CSMD1: variants seen among roughly 807,000 people sequenced by gnomAD.
The protein encoded by CSMD1 is CUB and sushi domain-containing protein 1.
CSMD1 carries 213 observed loss-of-function variants against 417.5 expected under a neutral mutation model. That is an observed-to-expected ratio of 0.51 (90% CI 0.46 to 0.57). The LOEUF (loss-of-function observed/expected upper bound fraction) is 0.57. Ranked by LOEUF, CSMD1 falls within the 20% of genes least tolerant of loss-of-function variation. The pLI, the probability that CSMD1 is intolerant of heterozygous loss-of-function variation, is 0.00. For missense variants in CSMD1, 6,923 were observed against 4,529.7 expected, an observed-to-expected ratio of 1.53 and a Z score of -15.17; for synonymous variants, 2,862 against 1,736.8, an observed-to-expected ratio of 1.65 and a Z score of -16.11.
At chr8:3,316,390 C>A (rs1167887463) in intron 23 of CSMD1, among the ~76,000 whole-genome samples, 1 of 152,190 alleles carries the variant, frequency 6.6e-6, no homozygotes, top group Non-Finnish European at 1.5e-5. Context: ...AATAAAACGG[C>A]TCCTATCTTC....
At chr8:3,826,139 C>T (rs903849216) in intron 5 of CSMD1, among the ~76,000 whole-genome samples, 1 of 151,984 alleles carries the variant, frequency 6.6e-6, no homozygotes, top group Non-Finnish European at 1.5e-5. Flanking sequence ...ACTCACACTG[C>T]GAATGAATAC....
At chr8:3,837,298 G>C (rs1023474546) in intron 5 of CSMD1, among the ~76,000 whole-genome samples, 2 of 152,072 alleles carry the variant, frequency 1.3e-5, no homozygotes, top group Middle Eastern at 6.3e-3. Context: ...TTCAACAACA[G>C]AAGAAAATTA....
chr8:3,897,431 T>C (rs62480073), intron 5 of CSMD1, among the ~76,000 whole-genome samples: 3,850 of 152,314 alleles, frequency 0.025, 68 homozygotes, highest in Non-Finnish European at 0.035. Flanking sequence ...TTATTAACTT[T>C]TAATTCAATT....
intron 10 of CSMD1, among the ~76,000 whole-genome samples, chr8:3,570,109 T>C (rs1799883174): frequency 6.6e-6 from 1 of 152,234 alleles, no homozygotes; most frequent in South Asian, 2.1e-4. Context: ...CTGGTCATTT[T>C]ATGTTTTGGA....
At chr8:3,969,898 G>C (rs940124484) in intron 5 of CSMD1, among the ~76,000 whole-genome samples, 1 of 151,858 alleles carries the variant, frequency 6.6e-6, no homozygotes, top group African/African-American at 2.4e-5. Context: ...TGGATAATTT[G>C]CAAAAACAAA....
intron 3 of CSMD1, among the ~76,000 whole-genome samples, chr8:4,322,214 A>G (rs766211466): frequency 1.3e-5 from 2 of 152,234 alleles, no homozygotes; most frequent in Non-Finnish European, 2.9e-5. Context: ...GGTTCCATAT[A>G]GATAATTCAC....
intron 2 of CSMD1, among the ~76,000 whole-genome samples, chr8:4,530,659 T>C (rs1022830679): frequency 1.3e-5 from 2 of 151,456 alleles, no homozygotes; most frequent in African/African-American, 4.9e-5. Flanking sequence ...TCCATGTCCC[T>C]GCAAAGGGCA....
chr8:3,694,918 T>G (rs1203390911), intron 7 of CSMD1, among the ~76,000 whole-genome samples: 1 of 151,980 alleles, frequency 6.6e-6, no homozygotes, highest in Non-Finnish European at 1.5e-5. Context: ...CGCACATCAT[T>G]AGCACCACGT....
chr8:2,953,712 CA>C (rs1802803825), intron 65 of CSMD1, among the ~76,000 whole-genome samples: 1 of 152,128 alleles, frequency 6.6e-6, no homozygotes, highest in African/African-American at 2.4e-5. Context: ...ATGCTTTTAG[CA>C]AAAGGTGCCA....
chr8:4,781,503 G>T (rs906479086), intron 1 of CSMD1, among the ~76,000 whole-genome samples: 1 of 152,184 alleles, frequency 6.6e-6, no homozygotes. Context: ...CTTTTAGAAA[G>T]AGATCACATA....
intron 3 of CSMD1, among the ~76,000 whole-genome samples, chr8:4,276,351 A>G (rs1415103106): frequency 6.6e-6 from 1 of 152,230 alleles, no homozygotes; most frequent in Non-Finnish European, 1.5e-5. Context: ...AGAAACCGTC[A>G]TTGTCAGCAA....
chr8:4,426,623 T>TATATC (rs1554472574), intron 2 of CSMD1, among the ~76,000 whole-genome samples: 4 of 145,200 alleles, frequency 2.8e-5, no homozygotes, highest in African/African-American at 1.0e-4. Context: ...TATTGTTTAC[T>TATATC]ATATAATATA....
intron 7 of CSMD1, among the ~76,000 whole-genome samples, chr8:3,677,686 A>G (rs1799447237): frequency 2.0e-5 from 3 of 152,190 alleles, no homozygotes; most frequent in Admixed American, 2.0e-4. Flanking sequence ...CTTTGGCCAG[A>G]GCTGGGTAAA....
At chr8:3,263,676 T>C (rs182903294) in intron 26 of CSMD1, among the ~76,000 whole-genome samples, 5 of 152,314 alleles carry the variant, frequency 3.3e-5, no homozygotes, top group African/African-American at 9.6e-5. Context: ...AACATAAAAA[T>C]AGGATAAGTG....
intron 5 of CSMD1, among the ~76,000 whole-genome samples, chr8:3,757,522 C>A (rs936176029): frequency 6.6e-6 from 1 of 152,160 alleles, no homozygotes; most frequent in African/African-American, 2.4e-5. Flanking sequence ...CAGATTTGGC[C>A]TGCAGGTACT....
At chr8:4,812,743 G>C (rs914915165) in intron 1 of CSMD1, among the ~76,000 whole-genome samples, 3 of 152,108 alleles carry the variant, frequency 2.0e-5, no homozygotes, top group African/African-American at 7.2e-5. Context: ...TCTTCACAAA[G>C]CATCTGGAAA....
At chr8:3,819,714 G>T (rs549903455) in intron 5 of CSMD1, among the ~76,000 whole-genome samples, 1 of 152,166 alleles carries the variant, frequency 6.6e-6, no homozygotes, top group South Asian at 2.1e-4. Context: ...AGCCTCCTGG[G>T]GAACTGGGAC....
intron 3 of CSMD1, among the ~76,000 whole-genome samples, chr8:4,296,776 T>C (rs1797711522): frequency 6.8e-6 from 1 of 147,168 alleles, no homozygotes; most frequent in African/African-American, 2.5e-5. Context: ...AAATAATAGC[T>C]TTATGCTGGT....
At chr8:3,083,648 A>ATTTTTTTTT (rs34049524) in intron 49 of CSMD1, among the ~76,000 whole-genome samples, 1 of 13,568 alleles carries the variant, frequency 7.4e-5, no homozygotes. Context: ...ATATATATAT[A>ATTTTTTTTT]TTTTTTTTTT....
Sources: allele counts gnomAD v4.1 joint callset (sites outside exome capture counted in the v4.1 genomes callset), GRCh38; gene constraint gnomAD v4.1.1; transcripts MANE v1.5; gene names NCBI Gene and HGNC (gene_info 2026-07-23, HGNC 2026-07-21).